TAMM41: variants seen among roughly 807,000 people sequenced by gnomAD.
TAMM41 encodes phosphatidate cytidylyltransferase, mitochondrial.
Under a neutral mutation model 44.1 loss-of-function variants are expected in TAMM41, and 36 were observed. That is an observed-to-expected ratio of 0.82 (90% CI 0.63 to 1.08). TAMM41 has a LOEUF of 1.08. Among genes scored for constraint, TAMM41 ranks in the 50% least tolerant of loss-of-function variants. The pLI is 0.00. For missense variants in TAMM41, 417 were observed against 404.3 expected (o/e 1.03, Z -0.27); for synonymous variants, 164 against 153.1 (o/e 1.07, Z -0.53).
intron 4 of TAMM41, among the ~76,000 whole-genome samples, chr3:11,818,414 T>C (rs983446027): frequency 1.3e-5 from 2 of 152,276 alleles, no homozygotes; most frequent in African/African-American, 2.4e-5. Context: ...ATCATAGAGG[T>C]CATTATTTGC....
chr3:11,817,210 GC>G lies in TAMM41; in HGVS notation c.689del (p.Ser230ThrfsTer8). The G allele has an allele frequency of 6.2e-7, 1 of 1,611,162 alleles. No homozygotes were observed. Among genetic ancestry groups the G allele is most frequent in the Non-Finnish European group, 8.5e-7 (1 of 1,177,842 alleles). Reference protein sequence around the residue: ...LQENPQVVYKSQQGWLEIDKS... With the variant: ...LQENPQVVYKXQQGWLEIDKS... ...CAGTTACCTCCAGCCAGCCTTGCTG[GC>G]TTTTATACACCACTTGAGGATTTTC... On this transcript the variant is annotated frameshift_variant, in exon 5 of 8. Coordinates refer to ENST00000455809, the MANE Select transcript of TAMM41 (RefSeq NM_001284401.2). LOFTEE classifies it high-confidence loss of function.
At chr3:11,808,552 T>C in intron 6 of TAMM41, 1 of 985,468 alleles carries the variant, frequency 1.0e-6, no homozygotes, top group African/African-American at 1.7e-5. Flanking sequence ...GGAAATTCTA[T>C]CTGGCACGCG....
At chr3:11,808,127 C>A in intron 6 of TAMM41, 2 of 1,027,704 alleles carry the variant, frequency 1.9e-6, no homozygotes, top group Non-Finnish European at 1.3e-6. Flanking sequence ...AGCCGATGAC[C>A]GAACAGCTCT....
At chr3:11,778,017 C>T in the TAMM41 span, among the ~76,000 whole-genome samples, 20 of 152,046 alleles carry the variant, frequency 1.3e-4, no homozygotes, top group Non-Finnish European at 2.5e-4. Flanking sequence ...TAAGTGACAT[C>T]GTATAGTATG....
At chr3:11,820,677 T>C (rs1279757406) in intron 4 of TAMM41, among the ~76,000 whole-genome samples, 1 of 152,194 alleles carries the variant, frequency 6.6e-6, no homozygotes, top group Non-Finnish European at 1.5e-5. Flanking sequence ...AATAACATCA[T>C]GGGCACAGCA....
chr3:11,833,284 A>G, intron 3 of TAMM41: 3 of 610,812 alleles, frequency 4.9e-6, no homozygotes, highest in Middle Eastern at 6.9e-4. Flanking sequence ...AGAAAGGGGC[A>G]TTGGCTTAAA....
At chr3:11,793,682 G>A (rs1404071309) in intron 7 of TAMM41, among the ~76,000 whole-genome samples, 1 of 152,150 alleles carries the variant, frequency 6.6e-6, no homozygotes, top group Admixed American at 6.5e-5. Context: ...CTCCCAACAC[G>A]ATGAATCTCC....
chr3:11,829,678 T>C (rs1559311230), intron 4 of TAMM41, 36 bp downstream of exon 4: 2 of 1,609,798 alleles, frequency 1.2e-6, no homozygotes, highest in Non-Finnish European at 1.7e-6. Context: ...TATAAATCTC[T>C]CCCTTGTAGA....
rs1208205425 is a variant in TAMM41 at position 11,813,884 on chromosome 3, ATATATGTG to A, written c.708+3300_708+3307del. Among the ~76,000 whole-genome samples, 493 of 147,898 alleles carry A rather than the reference ATATATGTG, an allele frequency of 3.3e-3. 1 individual carries two copies. The highest frequency in any genetic ancestry group is 0.012 in the African/African-American group (460 of 39,126). ...TGTATGTATATATATGTATATATGT[ATATATGTG>A]TATATATGTATATATGTGTGTATAT... On this transcript the variant is annotated intron_variant, in intron 5 of 7. Transcript: ENST00000455809.
At chr3:11,770,430 C>T in the TAMM41 span, among the ~76,000 whole-genome samples, 3 of 152,316 alleles carry the variant, frequency 2.0e-5, no homozygotes, top group Non-Finnish European at 2.9e-5. Context: ...GGGGCAGTTT[C>T]GATCACTGGC....
chr3:11,759,280 C>G, the TAMM41 span, among the ~76,000 whole-genome samples: 121,355 of 151,858 alleles, frequency 0.8, 49,300 homozygotes, highest in African/African-American at 0.93. Flanking sequence ...AAGAGCTTAG[C>G]GGGTGATCAA....
At chr3:11,723,278 T>A in the TAMM41 span, among the ~76,000 whole-genome samples, 1 of 152,052 alleles carries the variant, frequency 6.6e-6, no homozygotes, top group Non-Finnish European at 1.5e-5. Flanking sequence ...TCACAGGTTC[T>A]CTATTAAAAT....
chr3:11,787,793 AAG>A (rs1440866742), downstream of TAMM41, among the ~76,000 whole-genome samples: 98 of 152,354 alleles, frequency 6.4e-4, no homozygotes, highest in Non-Finnish European at 7.3e-5. Flanking sequence ...CACAGCTGGA[AAG>A]AGTTGAGAAC....
chr3:11,813,854 G>GTGTGTGTA (rs1553573074), intron 5 of TAMM41, among the ~76,000 whole-genome samples: 2 of 144,680 alleles, frequency 1.4e-5, no homozygotes, highest in Admixed American at 1.4e-4. Context: ...GTGTGTGTGT[G>GTGTGTGTA]TGTATGTATG....
intron 7 of TAMM41, among the ~76,000 whole-genome samples, chr3:11,791,885 T>G (rs1430799858): frequency 6.6e-6 from 1 of 152,158 alleles, no homozygotes; most frequent in African/African-American, 2.4e-5. Flanking sequence ...CCTTTTAATT[T>G]TCTCCCTGGA....
chr3:11,751,237 A>G, the TAMM41 span, among the ~76,000 whole-genome samples: 3 of 152,042 alleles, frequency 2.0e-5, no homozygotes, highest in African/African-American at 7.2e-5. Flanking sequence ...GATTACAGGC[A>G]TGTGCCACCA....
At chr3:11,822,728 T>A (rs1201054112) in intron 4 of TAMM41, among the ~76,000 whole-genome samples, 2 of 152,254 alleles carry the variant, frequency 1.3e-5, no homozygotes, top group African/African-American at 2.4e-5. Flanking sequence ...TCACTCCTGC[T>A]TATGGTTAAA....
chr3:11,832,576 C>A (rs988162499), intron 3 of TAMM41, among the ~76,000 whole-genome samples: 2 of 152,124 alleles, frequency 1.3e-5, no homozygotes, highest in Non-Finnish European at 2.9e-5. Flanking sequence ...TCTAGGAGGG[C>A]AACTGCTTCA....
chr3:11,723,941 C>T, the TAMM41 span, among the ~76,000 whole-genome samples: 1 of 150,880 alleles, frequency 6.6e-6, no homozygotes, highest in South Asian at 2.1e-4. Context: ...CAGAGTTGAT[C>T]GTTGTTGAAG....
Sources: gnomAD v4.1 joint callset for allele counts (sites outside exome capture counted in the v4.1 genomes callset) on GRCh38, gnomAD v4.1.1 for gene constraint, MANE v1.5 for transcripts, NCBI Gene and HGNC (gene_info 2026-07-23, HGNC 2026-07-21) for gene names.